The following FCER1A variants were observed in gnomAD, a reference collection of about 807,000 sequenced individuals.
The protein encoded by FCER1A is high affinity immunoglobulin epsilon receptor subunit alpha.
In FCER1A, 24 loss-of-function variants were observed where a neutral mutation model predicts 23.6. The ratio of observed to expected loss-of-function variants is 1.02; its 90% confidence interval spans 0.74 to 1.43. The LOEUF is 1.43. Among genes scored for constraint, FCER1A ranks in the 40% most tolerant of loss-of-function variants. The pLI is 0.00. For synonymous variants in FCER1A, 121 were observed against 108.8 expected, an observed-to-expected ratio of 1.11 and a Z score of -0.70; for missense variants, 318 against 294.5, an observed-to-expected ratio of 1.08 and a Z score of -0.58.
chr1:159,291,259 T>C (rs1037228869), intron 1 of FCER1A, among the ~76,000 whole-genome samples: 2 of 152,182 alleles, frequency 1.3e-5, no homozygotes, highest in African/African-American at 4.8e-5. Flanking sequence ...GTGTATTTTC[T>C]CTTTGTCATC....
chr1:159,300,995 T>C (rs950560501), upstream of FCER1A, among the ~76,000 whole-genome samples: 6 of 152,208 alleles, frequency 3.9e-5, no homozygotes, highest in Admixed American at 1.3e-4. Flanking sequence ...ACCTAATCTT[T>C]CTTATCTGAA....
rs371763160 is a variant in FCER1A at position 159,291,281 on chromosome 1, A to G, written c.-60+1528A>G. Among the ~76,000 whole-genome samples, 8 of 152,200 alleles carry G rather than the reference A, an allele frequency of 5.3e-5. No individual in the cohort carries two copies. In the South Asian group the frequency reaches 8.3e-4, roughly 16 times the overall value. On this transcript the variant is annotated intron_variant, in intron 1 of 5. Coordinates refer to the FCER1A transcript ENST00000368115. ...TTCTCTTTGTCATCTTCTTCCACCA[A>G]CCTTTGAAAGTGATCAAGTCCTAGA... is the stretch of plus-strand genomic sequence containing the variant.
rs145202898 is a variant in FCER1A at position 159,304,035 on chromosome 1, A to T, written c.184A>T (p.Thr62Ser). 1.3e-4 allele frequency: 202 copies of T among 1,614,138 alleles called. 1 individual carries two copies. Among genetic ancestry groups the T allele is most frequent in the Admixed American group, 8.2e-4 (49 of 60,026 alleles). The change falls in exon 3 of 5, where the codon ACC (threonine) becomes TCC (serine). Residue 62 changes from threonine (T) to serine (S), a missense_variant. Physicochemically the swap from Thr to Ser is moderately conservative, Grantham distance 58 (BLOSUM62 1). Coordinates refer to ENST00000693622, the MANE Select transcript of FCER1A (RefSeq NM_001387280.1). ...NGNNFFEVSS[T>S]KWFHNGSLSE... Reference sequence around the variant, plus strand: ...GAACAATTTCTTTGAAGTCAGTTCCACCAAATGGTTCCACAATGGCAGCCT... The same window carrying T: ...GAACAATTTCTTTGAAGTCAGTTCCTCCAAATGGTTCCACAATGGCAGCCT...
upstream of FCER1A, among the ~76,000 whole-genome samples, chr1:159,297,945 G>A (rs1571078464): frequency 6.6e-6 from 1 of 152,138 alleles, no homozygotes; most frequent in African/African-American, 2.4e-5. Context: ...TCCTCAGTGG[G>A]CTTATAATAT....
rs755047262 is a variant in FCER1A, at chr1:159,302,916, T to C, written c.76+42T>C. ...TGTTCCCTTGGTGTTTCAACATGTC[T>C]GGGCATTGCTTTCCTCTCACTATTT... On this transcript the variant is annotated intron_variant, in intron 2 of 4. Coordinates refer to ENST00000693622, the MANE Select transcript of FCER1A (RefSeq NM_001387280.1). The C allele has an allele frequency of 3.2e-6, 5 of 1,583,616 alleles. No individual in the cohort carries two copies. The Admixed American group carries it at 8.3e-5, about 26-fold the overall frequency.
At chr1:159,293,260 C>T (rs1652204607) in intron 1 of FCER1A, among the ~76,000 whole-genome samples, 1 of 151,388 alleles carries the variant, frequency 6.6e-6, no homozygotes, top group Admixed American at 6.6e-5. Flanking sequence ...CAAATAAAAT[C>T]CCAACACTTT....
Position 159,306,180 on chromosome 1 carries a change from A to G in FCER1A, c.524A>G (p.Tyr175Cys). ...NATVEDSGTY[Y>C]CTGKVWQLDY... Reference sequence around the variant, plus strand: ...ACAGTTGAAGACAGTGGAACCTACTACTGTACGGGCAAAGTGTGGCAGCTG... The same window carrying G: ...ACAGTTGAAGACAGTGGAACCTACTGCTGTACGGGCAAAGTGTGGCAGCTG... Residue 175 changes from tyrosine to cysteine, a missense_variant, in exon 4 of 5, where the codon TAC becomes TGC. By Grantham distance (194) the Tyr-to-Cys change is radical. Transcript: ENST00000693622. 1.2e-6 allele frequency: 2 copies of G among 1,614,134 alleles called. No individual in the cohort carries two copies. The highest frequency in any genetic ancestry group is 1.7e-6 in the Non-Finnish European group (2 of 1,179,980).
intron 3 of FCER1A, among the ~76,000 whole-genome samples, chr1:159,304,563 C>T (rs1557969970): frequency 2.0e-5 from 3 of 152,154 alleles, no homozygotes; most frequent in South Asian, 2.1e-4. Context: ...GCTGAGATCA[C>T]GCCACTGCCC....
chr1:159,306,291 A>G (rs1411668585), intron 4 of FCER1A, 46 bp downstream of exon 4: 1 of 1,590,630 alleles, frequency 6.3e-7, no homozygotes, highest in Admixed American at 1.7e-5. Flanking sequence ...AGGGGAAGGA[A>G]GAGAGAACTT....
upstream of FCER1A, chr1:159,289,627 G>T: frequency 6.6e-6 from 1 of 152,048 alleles, no homozygotes; most frequent in Non-Finnish European, 1.5e-5. Flanking sequence ...CAGTCTCATT[G>T]GAGTTATTAG....
intron 2 of FCER1A, 82 bp downstream of exon 2, chr1:159,302,956 C>A: frequency 7.8e-7 from 1 of 1,279,100 alleles, no homozygotes; most frequent in Non-Finnish European, 1.1e-6. Context: ...CGTCCCATCA[C>A]TTCTGCTTTC....
intron 2 of FCER1A, among the ~76,000 whole-genome samples, chr1:159,303,711 G>A (rs1444640179): frequency 6.6e-6 from 1 of 152,174 alleles, no homozygotes; most frequent in African/African-American, 2.4e-5. Flanking sequence ...TCCTGCATAT[G>A]TGTCCTGTCT....
At chr1:159,295,163 G>A (rs1338451318) in intron 1 of FCER1A, among the ~76,000 whole-genome samples, 2 of 152,116 alleles carry the variant, frequency 1.3e-5, no homozygotes, top group South Asian at 2.1e-4. Flanking sequence ...ATGCAGAGAA[G>A]ATTTTCTTCA....
chr1:159,296,073 A>G (rs1354116371), intron 1 of FCER1A, among the ~76,000 whole-genome samples: 1 of 152,200 alleles, frequency 6.6e-6, no homozygotes, highest in African/African-American at 2.4e-5. Flanking sequence ...ATAGTGGAAT[A>G]TCTGTTTACT....
chr1:159,303,838 A>C, intron 2 of FCER1A, 90 bp from the exon 3 acceptor site: 2 of 978,762 alleles, frequency 2.0e-6, no homozygotes, highest in Non-Finnish European at 3.0e-6. Context: ...GATTGTCAGA[A>C]TATTGCTTCG....
At chr1:159,286,420 C>T (rs1293851613), upstream of FCER1A, among the ~76,000 whole-genome samples, 3 of 151,710 alleles carry the variant, frequency 2.0e-5, no homozygotes, top group Non-Finnish European at 4.4e-5. Flanking sequence ...GCAAGCTCCG[C>T]CTCCCGGGTT....
chr1:159,300,954 T>C (rs1652416377), upstream of FCER1A, among the ~76,000 whole-genome samples: 1 of 152,222 alleles, frequency 6.6e-6, no homozygotes, highest in South Asian at 2.1e-4. Context: ...TTAAGGTCTG[T>C]CATTAAAACA....
In FCER1A at chr1:159,304,013, C is replaced by T; in HGVS notation, c.162C>T (p.Asn54=). 6.2e-7 allele frequency: 1 copy of T among 1,613,900 alleles called. No individual in the cohort carries two copies. Among genetic ancestry groups the T allele is most frequent in the Non-Finnish European group, 8.5e-7 (1 of 1,179,776 alleles). Residue 54 remains asparagine (N), a synonymous_variant, in exon 3 of 5, where the codon AAC becomes AAT. Coordinates refer to ENST00000693622, the MANE Select transcript of FCER1A (RefSeq NM_001387280.1). ...GENVTLTCNG[N]NFFEVSSTKW... is the part of the protein sequence containing the mutation. ...ATGTGACTCTTACATGTAATGGGAA[C>T]AATTTCTTTGAAGTCAGTTCCACCA...
intron 1 of FCER1A, among the ~76,000 whole-genome samples, chr1:159,293,905 G>A (rs12137347): frequency 0.34 from 51,544 of 151,134 alleles, 10,620 homozygotes; most frequent in Non-Finnish European, 0.47. Context: ...AAAAGTGGGC[G>A]AAGGACATGA....
Sources: gnomAD v4.1 joint callset for allele counts (sites outside exome capture counted in the v4.1 genomes callset) on GRCh38, gnomAD v4.1.1 for gene constraint, MANE v1.5 for transcripts, NCBI Gene and HGNC (gene_info 2026-07-23, HGNC 2026-07-21) for gene names.